PLAC1: variants seen among roughly 807,000 people sequenced by gnomAD.
PLAC1 encodes the protein placenta associated 1, also known as placenta-specific protein 1.
For synonymous variants in PLAC1, 68 were observed against 62.1 expected, an observed-to-expected ratio of 1.09 and a Z score of -0.44; for missense variants, 136 against 163.2, an observed-to-expected ratio of 0.83 and a Z score of 0.91.
intron 2 of PLAC1, among the ~76,000 whole-genome samples, chrX:134,712,262 C>T (rs2078630285): frequency 9.0e-6 from 1 of 111,231 alleles, no homozygotes; most frequent in East Asian, 2.8e-4. Context: ...CCAACAGCTC[C>T]CCATACCCCA....
intron 1 of PLAC1, among the ~76,000 whole-genome samples, chrX:134,629,877 T>G (rs186225803): frequency 9.0e-6 from 1 of 111,679 alleles, no homozygotes; most frequent in African/African-American, 3.3e-5. Context: ...AGCCTCTAGA[T>G]GTGTTTGGAC....
chrX:134,707,464 C>T (rs1403169411), intron 2 of PLAC1, among the ~76,000 whole-genome samples: 1 of 112,253 alleles, frequency 8.9e-6, no homozygotes, highest in Non-Finnish European at 1.9e-5. Flanking sequence ...AGCCCTCCAT[C>T]CTCTGACAGG....
chrX:134,585,734 A>AT (rs1224946530), intron 2 of PLAC1, among the ~76,000 whole-genome samples: 1 of 110,519 alleles, frequency 9.0e-6, no homozygotes, highest in Non-Finnish European at 1.9e-5. Context: ...GACTATTTCT[A>AT]TGGGGGGTAG....
At position 134,684,273 on chromosome X, in the gene PLAC1, A is replaced by G. The variant is rs147480722; in HGVS notation, n.174+49162T>C. Among the ~76,000 whole-genome samples, 922 of 110,587 alleles carry G rather than the reference A, an allele frequency of 8.3e-3. 17 individuals are homozygous for G. Among genetic ancestry groups the G allele is most frequent in the African/African-American group, 0.029 (885 of 30,320 alleles). On this transcript the variant is annotated intron_variant and non_coding_transcript_variant, in intron 2 of 2. Coordinates refer to the PLAC1 transcript ENST00000466797. ...GCATAGTTCAGCCTCTCCCCCAACT[A>G]TATGAAGGCAAATGAATGTCCTTCT...
chrX:134,611,905 C>T (rs1218553047), intron 1 of PLAC1, among the ~76,000 whole-genome samples: 1 of 111,374 alleles, frequency 9.0e-6, no homozygotes, highest in Non-Finnish European at 1.9e-5. Flanking sequence ...GCCTGTCAGC[C>T]TCTGGCTCTT....
chrX:134,742,824 G>A (rs1477524603), intron 1 of PLAC1, among the ~76,000 whole-genome samples: 3 of 111,099 alleles, frequency 2.7e-5, no homozygotes, highest in Non-Finnish European at 5.7e-5. Flanking sequence ...TCCCCTTTTA[G>A]GGTGTAAGCT....
intron 2 of PLAC1, among the ~76,000 whole-genome samples, chrX:134,685,449 C>CTTTTT (rs200498313): frequency 3.0e-3 from 148 of 49,021 alleles, no homozygotes; most frequent in Non-Finnish European, 3.4e-3. Flanking sequence ...AATGGCGTCC[C>CTTTTT]TTTTTTTTTT....
chrX:134,629,148 T>G (rs1337206281), intron 1 of PLAC1, among the ~76,000 whole-genome samples: 2 of 111,979 alleles, frequency 1.8e-5, no homozygotes, highest in East Asian at 5.6e-4. Flanking sequence ...GAGCTCCGGT[T>G]AGATGTGATG....
chrX:134,681,142 G>T (rs908994841), intron 2 of PLAC1, among the ~76,000 whole-genome samples: 1 of 111,429 alleles, frequency 9.0e-6, no homozygotes, highest in Non-Finnish European at 1.9e-5. Context: ...GGGCATCGTG[G>T]TTTTCACAGG....
intron 1 of PLAC1, among the ~76,000 whole-genome samples, chrX:134,625,395 G>C (rs2078231707): frequency 8.9e-6 from 1 of 112,098 alleles, no homozygotes; most frequent in African/African-American, 3.2e-5. Context: ...AAATGATTTG[G>C]TCATTACCAT....
At chrX:134,632,022 T>C (rs2078264876) in intron 1 of PLAC1, among the ~76,000 whole-genome samples, 1 of 112,284 alleles carries the variant, frequency 8.9e-6, no homozygotes, top group African/African-American at 3.2e-5. Context: ...AAGGAGACTC[T>C]TGTTTCTTGG....
At chrX:134,677,639 T>C (rs1216194332) in intron 2 of PLAC1, among the ~76,000 whole-genome samples, 3 of 110,912 alleles carry the variant, frequency 2.7e-5, no homozygotes, top group Admixed American at 9.5e-5. Context: ...AGGAGAGTGG[T>C]AGGGAATGGG....
intron 1 of PLAC1, among the ~76,000 whole-genome samples, chrX:134,648,624 T>C (rs2124432449): frequency 9.0e-6 from 1 of 111,436 alleles, no homozygotes; most frequent in South Asian, 3.9e-4. Context: ...AGGCAGAGGT[T>C]GCAGTGAGCC....
intron 2 of PLAC1, among the ~76,000 whole-genome samples, chrX:134,677,811 T>C (rs949541876): frequency 1.8e-5 from 2 of 111,849 alleles, no homozygotes; most frequent in African/African-American, 6.5e-5. Context: ...ACAAATAGAC[T>C]GAGGAGGCAA....
At chrX:134,664,301 A>C (rs897220581) in intron 2 of PLAC1, among the ~76,000 whole-genome samples, 2 of 112,236 alleles carry the variant, frequency 1.8e-5, no homozygotes. Flanking sequence ...CCACACTTTG[A>C]GAACCAGCAG....
chrX:134,593,204 C>A (rs2078047711), intron 2 of PLAC1, among the ~76,000 whole-genome samples: 2 of 111,838 alleles, frequency 1.8e-5, no homozygotes, highest in Admixed American at 9.5e-5. Context: ...GTGTGTGTAT[C>A]TTTTAAAAAG....
At chrX:134,602,306 T>C (rs1269832982) in intron 1 of PLAC1, among the ~76,000 whole-genome samples, 184 bp from the exon 2 acceptor site, 2 of 112,520 alleles carry the variant, frequency 1.8e-5, no homozygotes, top group African/African-American at 6.5e-5. Context: ...AGAATGGCTG[T>C]AGCCTTGAAT....
At chrX:134,675,357 G>A (rs937779738) in intron 2 of PLAC1, among the ~76,000 whole-genome samples, 2 of 112,532 alleles carry the variant, frequency 1.8e-5, no homozygotes, top group Admixed American at 9.4e-5. Context: ...CTCTAACCAC[G>A]TGACCTGGAT....
intron 2 of PLAC1, among the ~76,000 whole-genome samples, chrX:134,584,824 A>C (rs1247360478): frequency 9.0e-6 from 1 of 111,103 alleles, no homozygotes; most frequent in Admixed American, 9.6e-5. Flanking sequence ...CCACAGAAGC[A>C]ACAGCGATTT....
Sources: gnomAD v4.1 joint callset for allele counts (sites outside exome capture counted in the v4.1 genomes callset) on GRCh38, gnomAD v4.1.1 for gene constraint, MANE v1.5 for transcripts, NCBI Gene and HGNC (gene_info 2026-07-23, HGNC 2026-07-21) for gene names.